Variants in NLN observed in about 807,000 individuals in gnomAD.
The protein encoded by NLN is neurolysin, mitochondrial.
A neutral mutation model predicts 79.9 loss-of-function variants in NLN; 64 were observed. That is an observed-to-expected ratio of 0.80 (90% confidence interval 0.65 to 0.99). The LOEUF is 0.99. Ranked by LOEUF, NLN falls within the 50% of genes least tolerant of loss-of-function variation. NLN has a pLI of 0.00. For missense variants in NLN, 835 were observed against 858.7 expected, an observed-to-expected ratio of 0.97 and a Z score of 0.34; for synonymous variants, 267 against 296.6, an observed-to-expected ratio of 0.90 and a Z score of 1.02.
In NLN at chr5:65,731,742, CTTTTTTTT is replaced by C. The variant is rs761722243; in HGVS notation, c.41+9347_41+9354del. Among the ~76,000 whole-genome samples, 8 of 61,990 alleles carry C rather than the reference CTTTTTTTT, an allele frequency of 1.3e-4. No individual in the cohort carries two copies. The East Asian group carries it at 1.3e-3, about 10-fold the overall frequency. The allele number at this position is 61,990 out of a possible 152,430, so 40.7% of individuals were successfully genotyped here. On this transcript the variant is annotated intron_variant, in intron 1 of 12. Coordinates refer to ENST00000380985, the MANE Select transcript of NLN (RefSeq NM_020726.5). ...GTATTTTAAAAATCACCTACATTTTCTTTTTTTTTTTTTTTTTTTTTTTTTTCAGACAG... is the reference window on the plus strand; with the variant it reads ...GTATTTTAAAAATCACCTACATTTTCTTTTTTTTTTTTTTTTTTCAGACAG...
At chr5:65,753,599 G>A (rs1401248126) in intron 1 of NLN, among the ~76,000 whole-genome samples, 1 of 150,632 alleles carries the variant, frequency 6.6e-6, no homozygotes, top group East Asian at 1.9e-4. Flanking sequence ...GCAGTGAGCT[G>A]AGATTGTGCC....
chr5:65,741,609 A>G (rs1433005954), intron 1 of NLN, among the ~76,000 whole-genome samples: 4 of 152,334 alleles, frequency 2.6e-5, no homozygotes, highest in African/African-American at 9.6e-5. Context: ...AAGGACTTCA[A>G]TTGTGAAAAG....
intron 1 of NLN, among the ~76,000 whole-genome samples, chr5:65,736,605 A>C (rs1264886290): frequency 1.3e-5 from 2 of 151,810 alleles, no homozygotes; most frequent in African/African-American, 2.4e-5. Flanking sequence ...TTGCCAATCC[A>C]ATGGTTGTAA....
chr5:65,766,693 C>T (rs1198195350), intron 3 of NLN, among the ~76,000 whole-genome samples: 1 of 152,188 alleles, frequency 6.6e-6, no homozygotes, highest in Non-Finnish European at 1.5e-5. Context: ...AAGTCCAAGT[C>T]CAAAGTTTCC....
At chr5:65,802,960 C>G (rs554816628) in intron 9 of NLN, among the ~76,000 whole-genome samples, 38 of 152,018 alleles carry the variant, frequency 2.5e-4, no homozygotes, top group Non-Finnish European at 5.2e-4. Context: ...CTCTTTACAG[C>G]TGATCGTCCC....
At chr5:65,790,352 G>C (rs1760028064) in intron 8 of NLN, among the ~76,000 whole-genome samples, 1 of 152,164 alleles carries the variant, frequency 6.6e-6, no homozygotes, top group South Asian at 2.1e-4. Flanking sequence ...CTTTCTCACA[G>C]TGCTGTAAAG....
intron 1 of NLN, among the ~76,000 whole-genome samples, chr5:65,756,327 A>C (rs1043025170): frequency 2.6e-5 from 4 of 152,136 alleles, no homozygotes; most frequent in South Asian, 2.1e-4. Flanking sequence ...TTTTTCCCCC[A>C]AAAAGCCTCC....
At chr5:65,722,563 T>A in intron 1 of NLN, 149 bp downstream of exon 1, 3 of 697,316 alleles carry the variant, frequency 4.3e-6, no homozygotes, top group Non-Finnish European at 6.8e-6. Context: ...GGTGGACCCC[T>A]GGGGGACACC....
Position 65,824,203 on chromosome 5 carries a change from A to G in NLN, c.*1288A>G, listed in dbSNP as rs577226871. 88 of 152,152 alleles carry G rather than the reference A, an allele frequency of 5.8e-4. 1 individual carries two copies. Among genetic ancestry groups the G allele is most frequent in the Admixed American group, 5.7e-3 (87 of 15,280 alleles). The allele number at this position is 152,152 out of a possible 1,614,324, so 9.4% of individuals were successfully genotyped here. A position where few individuals can be genotyped will look rare whatever the true frequency, so the allele number is the denominator to read the frequency against. On this transcript the variant is annotated 3_prime_UTR_variant, in exon 13 of 13. Coordinates refer to ENST00000380985, the MANE Select transcript of NLN (RefSeq NM_020726.5). ...GTCTTCCAGTTGTTTTCCAGCGCATACCTCAGGTATGACTTTGCTAGCCGG... is the reference window on the plus strand; with the variant it reads ...GTCTTCCAGTTGTTTTCCAGCGCATGCCTCAGGTATGACTTTGCTAGCCGG...
At chr5:65,742,320 G>A (rs1189608801) in intron 1 of NLN, among the ~76,000 whole-genome samples, 2 of 152,074 alleles carry the variant, frequency 1.3e-5, no homozygotes, top group Non-Finnish European at 2.9e-5. Context: ...ATGTGGCACT[G>A]TTTCCAAAAT....
intron 2 of NLN, among the ~76,000 whole-genome samples, chr5:65,759,762 C>T (rs1759302390): frequency 6.6e-6 from 1 of 152,144 alleles, no homozygotes; most frequent in African/African-American, 2.4e-5. Context: ...TTAATATCAT[C>T]AAAAACACCC....
intron 1 of NLN, among the ~76,000 whole-genome samples, chr5:65,741,404 A>G (rs371234698): frequency 1.7e-4 from 26 of 152,302 alleles, no homozygotes; most frequent in East Asian, 7.7e-4. Context: ...TCACACGTAA[A>G]AATAATTAAC....
Position 65,762,843 on chromosome 5 carries a change from G to C in NLN, c.302-117G>C, listed in dbSNP as rs1759366681. 5 of 984,624 alleles carry C rather than the reference G, an allele frequency of 5.1e-6. No individual in the cohort carries two copies. The Middle Eastern group carries it at 6.5e-4, about 129-fold the overall frequency. The allele number at this position is 984,624 out of a possible 1,614,324, so 61.0% of individuals were successfully genotyped here. ...GTAGCCTTAGGAGGCTTTACAGAAAGTATAAAATAAAACAAACTTTTATTG... is the reference window on the plus strand; with the variant it reads ...GTAGCCTTAGGAGGCTTTACAGAAACTATAAAATAAAACAAACTTTTATTG... On this transcript the variant is annotated intron_variant, in intron 2 of 12. Coordinates refer to ENST00000380985, the MANE Select transcript of NLN (RefSeq NM_020726.5).
chr5:65,783,703 T>TTA lies in NLN; in HGVS notation c.823-2072_823-2071insTA, dbSNP rs1554032713. 5.2e-5 allele frequency among the ~76,000 whole-genome samples: 7 copies of TTA among 133,346 alleles called. No homozygotes were observed. In the South Asian group the frequency reaches 7.0e-4, roughly 13 times the overall value. The allele number at this position is 133,346 out of a possible 152,430, so 87.5% of individuals were successfully genotyped here. ...GGCAAGACCTCACCTCTATGAAAAT[T>TTA]AAAAAAAAAAAAAAAATTCAGAGTT... On this transcript the variant is annotated intron_variant, in intron 6 of 12. Coordinates refer to ENST00000380985, the MANE Select transcript of NLN (RefSeq NM_020726.5).
intron 3 of NLN, among the ~76,000 whole-genome samples, chr5:65,773,146 T>TG (rs1311478814): frequency 6.8e-6 from 1 of 147,660 alleles, no homozygotes; most frequent in Non-Finnish European, 1.5e-5. Flanking sequence ...TTTTTTTTTT[T>TG]TCTGCAACAG....
chr5:65,738,997 T>TA (rs397725018), intron 1 of NLN, among the ~76,000 whole-genome samples: 1,160 of 114,144 alleles, frequency 0.01, 63 homozygotes, highest in African/African-American at 0.035. Flanking sequence ...TTTATATATA[T>TA]TTTATAATAT....
At chr5:65,738,941 T>G (rs1579912498) in intron 1 of NLN, among the ~76,000 whole-genome samples, 1,584 of 110,082 alleles carry the variant, frequency 0.014, 26 homozygotes, top group African/African-American at 0.024. Flanking sequence ...TATATATTTT[T>G]TATATATGTT....
chr5:65,792,689 A>G (rs750391084), intron 9 of NLN, 34 bp downstream of exon 9: 3 of 1,529,292 alleles, frequency 2.0e-6, no homozygotes, highest in Non-Finnish European at 2.7e-6. Context: ...AAACCTGCCA[A>G]TTAGTTTTTT....
chr5:65,774,345 A>G (rs1162543779), intron 3 of NLN, among the ~76,000 whole-genome samples: 1 of 152,182 alleles, frequency 6.6e-6, no homozygotes, highest in Non-Finnish European at 1.5e-5. Flanking sequence ...TAAGCAGAAA[A>G]ACTTCACCTA....
Sources: allele counts gnomAD v4.1 joint callset (sites outside exome capture counted in the v4.1 genomes callset), GRCh38; gene constraint gnomAD v4.1.1; transcripts MANE v1.5; gene names NCBI Gene and HGNC (gene_info 2026-07-23, HGNC 2026-07-21).